Variants in IGSF21 observed in about 807,000 individuals in gnomAD.
IGSF21 encodes immunoglobin superfamily member 21, also known as immunoglobulin superfamily member 21.
IGSF21 carries 28 observed loss-of-function variants against 46.8 expected under a neutral mutation model. The ratio of observed to expected loss-of-function variants is 0.60; its 90% CI spans 0.44 to 0.82. The LOEUF is 0.82. Among genes scored for constraint, IGSF21 ranks in the 40% least tolerant of loss-of-function variants. The pLI is 0.00. For missense variants in IGSF21, 624 were observed against 665.5 expected, an observed-to-expected ratio of 0.94 and a Z score of 0.69; for synonymous variants, 284 against 273.6, an observed-to-expected ratio of 1.04 and a Z score of -0.38.
intron 6 of IGSF21, among the ~76,000 whole-genome samples, chr1:18,371,766 A>G (rs2086227435): frequency 6.6e-6 from 1 of 152,144 alleles, no homozygotes; most frequent in Non-Finnish European, 1.5e-5. Flanking sequence ...TCCTTCCTTG[A>G]ACACTCTATC....
chr1:18,189,984 C>T (rs1003781460), intron 1 of IGSF21, among the ~76,000 whole-genome samples: 1 of 152,148 alleles, frequency 6.6e-6, no homozygotes, highest in African/African-American at 2.4e-5. Context: ...AAGTGGGGGC[C>T]GGTACCAGTC....
intron 1 of IGSF21, among the ~76,000 whole-genome samples, chr1:18,156,755 G>C (rs2086573273): frequency 1.3e-5 from 2 of 152,218 alleles, no homozygotes; most frequent in Non-Finnish European, 2.9e-5. Flanking sequence ...AGCCCAGGAA[G>C]TCTGGCATCC....
Position 18,290,393 on chromosome 1 carries a change from G to A in IGSF21, c.184-1473G>A, listed in dbSNP as rs1309306517. Among the ~76,000 whole-genome samples the A allele has an allele frequency of 6.6e-6, 1 of 152,178 alleles. No homozygotes were observed. The highest frequency in any genetic ancestry group is 1.5e-5 in the Non-Finnish European group (1 of 68,022). ...GGGTGTGGGCTTACGGAGGGGTAAG[G>A]AGAAGCCGTGCCCTGGGAAGTCTCA... is the stretch of plus-strand genomic sequence containing the variant. On this transcript the variant is annotated intron_variant, in intron 2 of 9. Transcript: ENST00000251296. This position sits in a 1 kb window ranked among gnomAD's most constrained non-coding sequence, Gnocchi z 4.2.
At chr1:18,312,874 A>G (rs755077764) in intron 3 of IGSF21, among the ~76,000 whole-genome samples, 1 of 152,206 alleles carries the variant, frequency 6.6e-6, no homozygotes, top group Non-Finnish European at 1.5e-5. Flanking sequence ...CACTGTGACA[A>G]TCACTCACCA....
At chr1:18,281,611 T>G (rs1557623064) in intron 2 of IGSF21, among the ~76,000 whole-genome samples, 1 of 149,414 alleles carries the variant, frequency 6.7e-6, no homozygotes, top group African/African-American at 2.5e-5. Flanking sequence ...CACAGGTGGC[T>G]GAATAAGTCC....
chr1:18,266,950 A>G lies in IGSF21; in HGVS notation c.184-24916A>G, dbSNP rs1223896210. On this transcript the variant is annotated intron_variant, in intron 2 of 9. Transcript: ENST00000251296. ...GAGACCCAGCAAATGGGGTCAATGA[A>G]AGCTCTCTGCTTTCAGGAACTTCCA... is the stretch of plus-strand genomic sequence containing the variant. Among the ~76,000 whole-genome samples, 4 of 149,452 alleles carry G rather than the reference A, an allele frequency of 2.7e-5. No homozygotes were observed. The South Asian group carries it at 6.3e-4, about 24-fold the overall frequency.
At chr1:18,297,605 G>A (rs2085323414) in intron 3 of IGSF21, among the ~76,000 whole-genome samples, 1 of 151,998 alleles carries the variant, frequency 6.6e-6, no homozygotes. Context: ...TGAGGGATTG[G>A]TTCCAGGACA....
intron 4 of IGSF21, among the ~76,000 whole-genome samples, chr1:18,338,099 G>C (rs1037268338): frequency 1.3e-5 from 2 of 152,134 alleles, no homozygotes; most frequent in African/African-American, 4.8e-5. Flanking sequence ...GGCTCAGAGG[G>C]GCATGGGACT....
At chr1:18,238,551 T>A (rs2084694694) in intron 2 of IGSF21, among the ~76,000 whole-genome samples, 1 of 152,184 alleles carries the variant, frequency 6.6e-6, no homozygotes, top group Admixed American at 6.5e-5. Flanking sequence ...AAGATCAGTT[T>A]CTGATAATGG....
chr1:18,320,726 C>A (rs1004503245), intron 3 of IGSF21, among the ~76,000 whole-genome samples: 1 of 152,178 alleles, frequency 6.6e-6, no homozygotes, highest in African/African-American at 2.4e-5. Flanking sequence ...TTGATGGGCC[C>A]CTGGACTTGA....
rs1055902657 is a variant in IGSF21, at chr1:18,237,174, A to C, written c.183+9164A>C. Reference sequence around the variant, plus strand: ...TCGCTCTCCTCATCGAGAATGTGAAAGTGGCAGCCGAGAGCGTTTAGGGGA... The same window carrying C: ...TCGCTCTCCTCATCGAGAATGTGAACGTGGCAGCCGAGAGCGTTTAGGGGA... On this transcript the variant is annotated intron_variant, in intron 2 of 9. Transcript: ENST00000251296. Among the ~76,000 whole-genome samples, 7 of 152,332 alleles carry C rather than the reference A, an allele frequency of 4.6e-5. No individual in the cohort carries two copies. In the East Asian group the frequency reaches 1.4e-3, roughly 29 times the overall value.
intron 4 of IGSF21, among the ~76,000 whole-genome samples, chr1:18,336,504 T>G (rs914227350): frequency 2.6e-5 from 4 of 152,192 alleles, no homozygotes; most frequent in African/African-American, 4.8e-5. Context: ...AATCCTCCTA[T>G]GATATCAGGC....
chr1:18,122,705 C>T (rs2086245697), intron 1 of IGSF21, among the ~76,000 whole-genome samples: 2 of 151,118 alleles, frequency 1.3e-5, no homozygotes, highest in Admixed American at 6.6e-5. Context: ...ACTACAACCT[C>T]TGCCTCCTGG....
chr1:18,235,998 A>AG (rs1173000141), intron 2 of IGSF21, among the ~76,000 whole-genome samples: 1 of 152,088 alleles, frequency 6.6e-6, no homozygotes, highest in Non-Finnish European at 1.5e-5. Flanking sequence ...GGATGAGAGA[A>AG]GGGGGGATTC....
At chr1:18,323,567 T>A (rs955395299) in intron 3 of IGSF21, among the ~76,000 whole-genome samples, 3 of 151,984 alleles carry the variant, frequency 2.0e-5, no homozygotes, top group African/African-American at 7.2e-5. Context: ...CCGCCAACGA[T>A]CAGGCCAATT....
rs1477748009 is a variant in IGSF21, at chr1:18,335,860, C to A, written c.424+850C>A. On this transcript the variant is annotated intron_variant, in intron 4 of 9. Transcript: ENST00000251296. This position sits in a 1 kb window ranked among gnomAD's most constrained non-coding sequence, Gnocchi z 4.8. Reference sequence around the variant, plus strand: ...TCCAGAGGGACATTGATTCCTGCAGCACACCCGTGGTGGTTCTGGCTTCCC... The same window carrying A: ...TCCAGAGGGACATTGATTCCTGCAGAACACCCGTGGTGGTTCTGGCTTCCC... Among the ~76,000 whole-genome samples the A allele has an allele frequency of 6.6e-6, 1 of 152,240 alleles. No individual in the cohort carries two copies. The highest frequency in any genetic ancestry group is 2.4e-5 in the African/African-American group (1 of 41,478).
At chr1:18,174,416 T>C (rs2086774733) in intron 1 of IGSF21, among the ~76,000 whole-genome samples, 1 of 152,186 alleles carries the variant, frequency 6.6e-6, no homozygotes, top group Non-Finnish European at 1.5e-5. Flanking sequence ...GAAATGAAGC[T>C]TTGAAGTGAG....
chr1:18,222,198 G>A (rs2084517292), intron 1 of IGSF21, among the ~76,000 whole-genome samples: 1 of 152,162 alleles, frequency 6.6e-6, no homozygotes, highest in Admixed American at 6.5e-5. Context: ...CTCTCCAGGA[G>A]GGTCCCCAGC....
intron 3 of IGSF21, among the ~76,000 whole-genome samples, chr1:18,300,231 G>C (rs545895701): frequency 2.0e-5 from 3 of 152,054 alleles, no homozygotes; most frequent in Admixed American, 1.3e-4. Context: ...CAAGCCCAGA[G>C]CAAGACCTGG....
Sources: gnomAD v4.1 joint callset for allele counts (sites outside exome capture counted in the v4.1 genomes callset) on GRCh38, gnomAD v4.1.1 for gene constraint, Gnocchi (gnomAD v3.1) non-coding constraint, MANE v1.5 for transcripts, NCBI Gene and HGNC (gene_info 2026-07-23, HGNC 2026-07-21) for gene names.